The following CNKSR2 variants were observed in gnomAD, a reference collection of about 807,000 sequenced individuals.
The protein encoded by CNKSR2 is connector enhancer of kinase suppressor of Ras 2.
CNKSR2 carries 14 observed loss-of-function variants against 84.4 expected under a neutral mutation model. The observed-to-expected ratio is 0.17, with a 90% CI of 0.11 to 0.26. The LOEUF (loss-of-function observed/expected upper bound fraction) is 0.26, where lower values mean the gene tolerates loss of function less well. CNKSR2 is among the 10% of genes least tolerant of loss of function. CNKSR2 has a pLI of 1.00. For missense variants in CNKSR2, 485 were observed against 771.2 expected, an observed-to-expected ratio of 0.63 and a Z score of 4.40; for synonymous variants, 275 against 277.9, an observed-to-expected ratio of 0.99 and a Z score of 0.10.
chrX:21,521,600 C>G (rs938033610), intron 9 of CNKSR2, among the ~76,000 whole-genome samples: 2 of 110,579 alleles, frequency 1.8e-5, no homozygotes, highest in African/African-American at 3.3e-5. Context: ...ATTAAAGACA[C>G]TAGTGTTAGC....
chrX:21,479,454 C>G (rs1313814594), intron 5 of CNKSR2, among the ~76,000 whole-genome samples: 1 of 111,175 alleles, frequency 9.0e-6, no homozygotes, highest in East Asian at 2.8e-4. Flanking sequence ...TGGATCAATG[C>G]TATATATTTT....
At chrX:21,638,711 A>C (rs1422277184) in intron 20 of CNKSR2, among the ~76,000 whole-genome samples, 1 of 112,481 alleles carries the variant, frequency 8.9e-6, no homozygotes, top group African/African-American at 3.2e-5. Flanking sequence ...TCTCATTTCA[A>C]AATGTAATTG....
intron 6 of CNKSR2, chrX:21,491,840 A>G (rs2091445966): frequency 8.9e-6 from 1 of 111,995 alleles, no homozygotes; most frequent in South Asian, 3.7e-4. Context: ...AGCAATAAGG[A>G]TTGGCCTTTC....
At chrX:21,527,480 C>T (rs1380081206) in intron 10 of CNKSR2, among the ~76,000 whole-genome samples, 1 of 109,892 alleles carries the variant, frequency 9.1e-6, no homozygotes, top group Non-Finnish European at 1.9e-5. Flanking sequence ...CCTAATAATC[C>T]TGTGTCTGAA....
At chrX:21,508,149 G>T (rs968918303) in intron 8 of CNKSR2, among the ~76,000 whole-genome samples, 1 of 111,731 alleles carries the variant, frequency 9.0e-6, no homozygotes, top group African/African-American at 3.2e-5. Context: ...GCAACATAGC[G>T]AGACCACGTC....
rs1179082753 is a variant in CNKSR2 at position 21,386,018 on chromosome X, C to CAAAAAAAAAAAA, written c.64+11070_64+11081dup. Among the ~76,000 whole-genome samples the CAAAAAAAAAAAA allele has an allele frequency of 9.8e-5, 2 of 20,459 alleles. 1 individual carries two copies. Among genetic ancestry groups the CAAAAAAAAAAAA allele is most frequent in the African/African-American group, 3.0e-4 (2 of 6,740 alleles). The allele number at this position is 20,459 out of a possible 115,157, so 17.8% of individuals were successfully genotyped here. A position where few individuals can be genotyped will look rare whatever the true frequency, so the allele number is the denominator to read the frequency against. The stretch of plus-strand genomic sequence containing the variant: ...CCCCTCTGCTGAGTCTGGATGTAGG[C>CAAAAAAAAAAAA]AAAAAAAAAAAAAAAAAAAAAAAAG... On this transcript the variant is annotated intron_variant, in intron 1 of 21. Transcript: ENST00000379510.
At chrX:21,513,087 C>T (rs781355042) in intron 8 of CNKSR2, among the ~76,000 whole-genome samples, 15 of 111,763 alleles carry the variant, frequency 1.3e-4, no homozygotes, top group East Asian at 5.6e-4. Flanking sequence ...TTGATGCTTG[C>T]GATTATTCGG....
chrX:21,558,547 T>C (rs890274169), intron 11 of CNKSR2, among the ~76,000 whole-genome samples: 6 of 107,054 alleles, frequency 5.6e-5, no homozygotes, highest in Non-Finnish European at 1.2e-4. Flanking sequence ...ACAGTATAAT[T>C]CTGTTAAAAA....
chrX:21,533,323 A>T (rs1283054997), intron 11 of CNKSR2, among the ~76,000 whole-genome samples: 1 of 109,961 alleles, frequency 9.1e-6, no homozygotes, highest in African/African-American at 3.3e-5. Context: ...CCCATGAAAT[A>T]ATATGAAATT....
Position 21,406,414 on chromosome X carries a change from T to G in CNKSR2, c.65-20083T>G, listed in dbSNP as rs145272404. On this transcript the variant is annotated intron_variant, in intron 1 of 21. Coordinates refer to ENST00000379510, the MANE Select transcript of CNKSR2 (RefSeq NM_014927.5). ...GACTTAGTTTACCAAGTAACTTGCT[T>G]TCAGATCTTGTAATAAAAATGTAGT... Among the ~76,000 whole-genome samples the G allele has an allele frequency of 8.4e-3, 940 of 111,532 alleles. 3 individuals are homozygous for G. Among genetic ancestry groups the G allele is most frequent in the Non-Finnish European group, 0.013 (668 of 53,096 alleles).
At chrX:21,407,072 A>G (rs1235312660) in intron 1 of CNKSR2, among the ~76,000 whole-genome samples, 1 of 110,437 alleles carries the variant, frequency 9.1e-6, no homozygotes, top group Non-Finnish European at 1.9e-5. Flanking sequence ...GAGTAACAGT[A>G]CTCTTCTCCA....
intron 4 of CNKSR2, among the ~76,000 whole-genome samples, chrX:21,465,938 GGT>G (rs1365610574): frequency 1.8e-5 from 2 of 111,261 alleles, no homozygotes; most frequent in East Asian, 5.6e-4. Flanking sequence ...ATCCTGTGTG[GGT>G]GTATAGCTCA....
At chrX:21,499,372 T>A (rs2091535909) in intron 7 of CNKSR2, among the ~76,000 whole-genome samples, 1 of 111,469 alleles carries the variant, frequency 9.0e-6, no homozygotes, top group Non-Finnish European at 1.9e-5. Flanking sequence ...TAGTGTAATT[T>A]GCATGGATGG....
chrX:21,589,417 C>A (rs952996051), intron 13 of CNKSR2, among the ~76,000 whole-genome samples: 2 of 111,664 alleles, frequency 1.8e-5, no homozygotes, highest in Non-Finnish European at 3.8e-5. Flanking sequence ...AAGCAAAATC[C>A]AGTTGCCCCT....
At chrX:21,529,679 A>AACAC (rs773488531) in intron 10 of CNKSR2, among the ~76,000 whole-genome samples, 349 of 109,809 alleles carry the variant, frequency 3.2e-3, no homozygotes, top group African/African-American at 0.011. Context: ...TATATACATT[A>AACAC]ACACACACAC....
At position 21,374,551 on chromosome X, in the gene CNKSR2, A is replaced by T. The variant is rs1437092718; in HGVS notation, c.-347A>T. On this transcript the variant is annotated 5_prime_UTR_variant, in exon 1 of 22. Transcript: ENST00000379510. ...CGACCCCTCAGCAACTCAAGCTATG[A>T]ACTGAAGCTCCCTAGGGACGGAGAC... is the stretch of plus-strand genomic sequence containing the variant. 2 of 463,822 alleles carry T rather than the reference A, an allele frequency of 4.3e-6. No homozygotes were observed. The highest frequency in any genetic ancestry group is 4.9e-5 in the African/African-American group (2 of 41,118). 38.2% of individuals were successfully genotyped at this position (463,822 alleles called of 1,213,427 possible).
chrX:21,528,562 G>A (rs778263156), intron 10 of CNKSR2, among the ~76,000 whole-genome samples: 8 of 110,821 alleles, frequency 7.2e-5, no homozygotes, highest in Non-Finnish European at 1.3e-4. Flanking sequence ...TGTCTTCTGA[G>A]TGTGGTGGAC....
At chrX:21,411,378 A>G (rs1237510706) in intron 1 of CNKSR2, among the ~76,000 whole-genome samples, 2 of 111,840 alleles carry the variant, frequency 1.8e-5, no homozygotes, top group Non-Finnish European at 3.8e-5. Flanking sequence ...AAAAGCTTCA[A>G]CTTGCATAGC....
chrX:21,605,687 A>C (rs1602020734), intron 18 of CNKSR2, among the ~76,000 whole-genome samples: 1 of 112,036 alleles, frequency 8.9e-6, no homozygotes, highest in African/African-American at 3.2e-5. Context: ...TGTTAGCTGT[A>C]ATTATCATTA....
Sources: gnomAD v4.1 joint callset for allele counts (sites outside exome capture counted in the v4.1 genomes callset) on GRCh38, gnomAD v4.1.1 for gene constraint, MANE v1.5 for transcripts, NCBI Gene and HGNC (gene_info 2026-07-23, HGNC 2026-07-21) for gene names.